The following ALDH6A1 variants were observed in gnomAD, a reference collection of about 807,000 sequenced individuals.
ALDH6A1 encodes the protein aldehyde dehydrogenase 6 family member A1.
A neutral mutation model predicts 62.6 loss-of-function variants in ALDH6A1; 43 were observed. The observed-to-expected ratio is 0.69, with a 90% CI of 0.54 to 0.89. ALDH6A1 has a LOEUF of 0.89. Ranked by LOEUF, ALDH6A1 falls within the 40% of genes least tolerant of loss-of-function variation. The pLI, the probability that ALDH6A1 is intolerant of heterozygous loss-of-function variation, is 0.00. For synonymous variants in ALDH6A1, 194 were observed against 234.2 expected, an observed-to-expected ratio of 0.83 and a Z score of 1.57; for missense variants, 551 against 661.3, an observed-to-expected ratio of 0.83 and a Z score of 1.83.
In ALDH6A1 at chr14:74,057,143, G is replaced by C; in HGVS notation, c.*3499C>G. On this transcript the variant is annotated 3_prime_UTR_variant, in exon 12 of 12. Transcript: ENST00000553458. The stretch of plus-strand genomic sequence containing the variant: ...GTTCTGTTATTTTGTCATTATTGCA[G>C]GGATGAAAGTAAGCTTCAAGATAAA... 1 of 1,609,932 alleles carries C rather than the reference G, an allele frequency of 6.2e-7. No individual in the cohort carries two copies. The highest frequency in any genetic ancestry group is 8.5e-7 in the Non-Finnish European group (1 of 1,177,174).
chr14:74,084,045 G>A (rs2060696995), intron 1 of ALDH6A1, among the ~76,000 whole-genome samples: 1 of 152,084 alleles, frequency 6.6e-6, no homozygotes, highest in Non-Finnish European at 1.5e-5. Context: ...GAGAGATGAG[G>A]GCAAGAGAGT....
rs2072293 is a variant in ALDH6A1 at position 74,071,182 on chromosome 14, T to G, written c.730+13A>C. ...TAGCCAGATTAAGTAGCCATATGCA[T>G]AAGGGCAGTTACCTTCATGCTGTCC... On this transcript the variant is annotated intron_variant, in intron 6 of 11. Coordinates refer to ENST00000553458, the MANE Select transcript of ALDH6A1 (RefSeq NM_005589.4). 0.36 allele frequency: 587,112 copies of G among 1,611,204 alleles called. 117,511 individuals are homozygous for G. Among genetic ancestry groups the G allele is most frequent in the East Asian group, 0.83 (37,134 of 44,856 alleles).
Position 74,058,041 on chromosome 14 carries a change from AC to A in ALDH6A1, c.*2600del. 1 of 486,612 alleles carries A rather than the reference AC, an allele frequency of 2.1e-6. No homozygotes were observed. Among genetic ancestry groups the A allele is most frequent in the Non-Finnish European group, 2.7e-6 (1 of 373,702 alleles). The allele number at this position is 486,612 out of a possible 1,614,324, so 30.1% of individuals were successfully genotyped here. On this transcript the variant is annotated 3_prime_UTR_variant, in exon 12 of 12. Transcript: ENST00000553458. Reference sequence around the variant, plus strand: ...TTGTTGGATTGGATTAAATATCACTACCAGGGCCAGGTGCGGTGGTTCACGC... The same window carrying A: ...TTGTTGGATTGGATTAAATATCACTACAGGGCCAGGTGCGGTGGTTCACGC...
At chr14:74,074,915 T>C in intron 2 of ALDH6A1, 40 bp downstream of exon 2, 1 of 1,591,232 alleles carries the variant, frequency 6.3e-7, no homozygotes, top group Non-Finnish European at 8.6e-7. Flanking sequence ...CTATACTGAA[T>C]TCCTTCTCAG....
Position 74,059,342 on chromosome 14 carries a change from GT to G in ALDH6A1, c.*1299del, listed in dbSNP as rs1285060433. 2 of 456,136 alleles carry G rather than the reference GT, an allele frequency of 4.4e-6. No homozygotes were observed. 28.3% of individuals were successfully genotyped at this position (456,136 alleles called of 1,614,324 possible). A position where few individuals can be genotyped will look rare whatever the true frequency, so the allele number is the denominator to read the frequency against. ...GGCAGGTGTCTTACCCATTTTCATG[GT>G]TGGAACAATCCTTGATTTCTGGGCC... On this transcript the variant is annotated 3_prime_UTR_variant, in exon 12 of 12. Transcript: ENST00000553458.
At position 74,065,140 on chromosome 14, in the gene ALDH6A1, T is replaced by C. The variant is rs771902295; in HGVS notation, c.1404+41A>G. The C allele has an allele frequency of 7.5e-6, 12 of 1,607,096 alleles. No individual in the cohort carries two copies. The East Asian group carries it at 2.5e-4, about 33-fold the overall frequency. ...TTTACTGTTTCCTCTTAGGAAATAG[T>C]AAATGGATATAAGAATCTCTTAAAA... On this transcript the variant is annotated intron_variant, in intron 10 of 11. Transcript: ENST00000553458.
rs2060225476 is a variant in ALDH6A1, at chr14:74,056,969, A to C, written c.*3673T>G. The C allele has an allele frequency of 6.2e-7, 1 of 1,613,652 alleles. No homozygotes were observed. Among genetic ancestry groups the C allele is most frequent in the African/African-American group, 1.3e-5 (1 of 75,014 alleles). ...ATGTTGTTTCTGACAGTGGGGAAAC[A>C]AAGGAATTTGGGTAAGAGCTCTCTT... On this transcript the variant is annotated 3_prime_UTR_variant, in exon 12 of 12. Transcript: ENST00000553458.
At position 74,067,388 on chromosome 14, in the gene ALDH6A1, A is replaced by G; in HGVS notation, c.1034T>C (p.Val345Ala). ...GTCAGGTGATTGATTACCTGCATTG[A>G]CTCTCAGGTTTTTGGCATGCTCCAC... Reference protein sequence around the residue: ...ELVEHAKNLRVNAGDQPGADL... With the variant: ...ELVEHAKNLRANAGDQPGADL... The change falls in exon 8 of 12, where the codon GTC (valine) becomes GCC (alanine). Residue 345 changes from valine (V) to alanine (A), a missense_variant. By Grantham distance (64) the Val-to-Ala change is moderately conservative (BLOSUM62 0). Transcript: ENST00000553458. 1.2e-6 allele frequency: 2 copies of G among 1,613,048 alleles called. No homozygotes were observed. Among genetic ancestry groups the G allele is most frequent in the Non-Finnish European group, 8.5e-7 (1 of 1,179,988 alleles).
At chr14:74,067,244 A>G (rs2060481364) in intron 8 of ALDH6A1, 136 bp downstream of exon 8, 2 of 1,075,494 alleles carry the variant, frequency 1.9e-6, no homozygotes, top group South Asian at 1.3e-5. Flanking sequence ...ATGACTCCAA[A>G]TGACAAGTAC....
chr14:74,065,119 C>G, intron 10 of ALDH6A1, 62 bp downstream of exon 10: 1 of 1,584,404 alleles, frequency 6.3e-7, no homozygotes, highest in South Asian at 1.1e-5. Flanking sequence ...CCATTATTTA[C>G]TGTTTCCTCT....
chr14:74,067,446 C>T lies in ALDH6A1; in HGVS notation c.976G>A (p.Val326Met), dbSNP rs1403035104. 6.2e-7 allele frequency: 1 copy of T among 1,614,092 alleles called. No individual in the cohort carries two copies. Among genetic ancestry groups the T allele is most frequent in the African/African-American group, 1.3e-5 (1 of 74,932 alleles). Residue 326 changes from valine to methionine, a missense_variant, in exon 8 of 12, where the codon GTG becomes ATG. Coordinates refer to ENST00000553458, the MANE Select transcript of ALDH6A1 (RefSeq NM_005589.4). Reference sequence around the variant, plus strand: ...GGCAGCCACTTCTTGGCTTCTCCCACAAGGACTGCTGTTGAAAGAGCCATG... The same window carrying T: ...GGCAGCCACTTCTTGGCTTCTCCCATAAGGACTGCTGTTGAAAGAGCCATG... Reference protein sequence around the residue: ...RCMALSTAVLVGEAKKWLPEL... With the variant: ...RCMALSTAVLMGEAKKWLPEL...
intron 2 of ALDH6A1, among the ~76,000 whole-genome samples, chr14:74,073,127 G>T (rs1170184458): frequency 4.0e-5 from 6 of 151,280 alleles, no homozygotes; most frequent in Admixed American, 1.3e-4. Flanking sequence ...ATTTTTTTGA[G>T]ACATGGTCTC....
chr14:74,072,168 A>G (rs985044235), intron 4 of ALDH6A1, 35 bp downstream of exon 4: 22 of 1,613,918 alleles, frequency 1.4e-5, no homozygotes, highest in East Asian at 4.5e-5. Context: ...GCCCTAGGTG[A>G]CAGTTTGGAA....
Position 74,060,407 on chromosome 14 carries a change from A to G in ALDH6A1, c.*235T>C. ...CACTACTTTCAGATAAGCATTTCAT[A>G]GTTACAACAGTTACCTCAAAATAGA... On this transcript the variant is annotated 3_prime_UTR_variant, in exon 12 of 12. Coordinates refer to ENST00000553458, the MANE Select transcript of ALDH6A1 (RefSeq NM_005589.4). The G allele has an allele frequency of 1.9e-6, 1 of 513,832 alleles. No individual in the cohort carries two copies. Among genetic ancestry groups the G allele is most frequent in the South Asian group, 2.2e-5 (1 of 45,680 alleles). The allele number at this position is 513,832 out of a possible 1,614,324, so 31.8% of individuals were successfully genotyped here.
chr14:74,057,561 T>C lies in ALDH6A1; in HGVS notation c.*3081A>G. 1.5e-6 allele frequency: 2 copies of C among 1,329,950 alleles called. No individual in the cohort carries two copies. The highest frequency in any genetic ancestry group is 1.9e-6 in the Non-Finnish European group (2 of 1,027,310). 82.4% of individuals were successfully genotyped at this position (1,329,950 alleles called of 1,614,324 possible). On this transcript the variant is annotated 3_prime_UTR_variant, in exon 12 of 12. Transcript: ENST00000553458. Reference sequence around the variant, plus strand: ...TTACGTAAGAGTAAACATAGTGACCTTGTGACTCTTAGCTTTCCATCACAG... The same window carrying C: ...TTACGTAAGAGTAAACATAGTGACCCTGTGACTCTTAGCTTTCCATCACAG...
chr14:74,075,374 G>A lies in ALDH6A1; in HGVS notation c.49-357C>T, dbSNP rs115878415. On this transcript the variant is annotated intron_variant, in intron 1 of 11. Transcript: ENST00000553458. The stretch of plus-strand genomic sequence containing the variant: ...GAATTTAAGATCATATAAAATCAAT[G>A]TGCTGGGCATGGTGACTCACGCCTG... 4.1e-3 allele frequency among the ~76,000 whole-genome samples: 617 copies of A among 152,224 alleles called. 4 individuals carry two copies. Among genetic ancestry groups the A allele is most frequent in the African/African-American group, 0.014 (587 of 41,524 alleles).
chr14:74,080,202 G>C (rs974617441), intron 1 of ALDH6A1, among the ~76,000 whole-genome samples: 5 of 151,834 alleles, frequency 3.3e-5, no homozygotes, highest in African/African-American at 7.3e-5. Context: ...CTCTCTCTCT[G>C]CAGGGAAGCA....
intron 5 of ALDH6A1, 41 bp from the exon 6 acceptor site, chr14:74,071,538 T>C (rs530294210): frequency 6.2e-7 from 1 of 1,612,688 alleles, no homozygotes; most frequent in African/African-American, 1.3e-5. Flanking sequence ...CCACACTGTG[T>C]ACTAGTTAGC....
intron 3 of ALDH6A1, 26 bp from the exon 4 acceptor site, chr14:74,072,390 C>T (rs552897293): frequency 1.2e-6 from 2 of 1,614,092 alleles, no homozygotes; most frequent in East Asian, 2.2e-5. Flanking sequence ...AGCACATGAT[C>T]CTTTGCCTGA....
Sources: gnomAD v4.1 joint callset for allele counts (sites outside exome capture counted in the v4.1 genomes callset) on GRCh38, gnomAD v4.1.1 for gene constraint, MANE v1.5 for transcripts, NCBI Gene and HGNC (gene_info 2026-07-23, HGNC 2026-07-21) for gene names.